PCCB: variants seen among roughly 807,000 people sequenced by gnomAD.
PCCB encodes the protein propionyl-CoA carboxylase beta chain, mitochondrial.
A neutral mutation model predicts 60.7 loss-of-function variants in PCCB; 43 were observed. That is an observed-to-expected ratio of 0.71 (90% confidence interval 0.55 to 0.91). The LOEUF is 0.91. Among genes scored for constraint, PCCB ranks in the 40% least tolerant of loss-of-function variants. The pLI is 0.00. For synonymous variants in PCCB, 276 were observed against 255.9 expected (o/e 1.08, Z -0.75); for missense variants, 766 against 702.8 (o/e 1.09, Z -1.02).
Position 136,317,053 on chromosome 3 carries a change from A to T in PCCB, c.1079A>T (p.Lys360Met). The T allele has an allele frequency of 6.2e-7, 1 of 1,614,048 alleles. No homozygotes were observed. Among genetic ancestry groups the T allele is most frequent in the South Asian group, 1.1e-5 (1 of 91,072 alleles). The change falls in exon 10 of 15, where the codon AAG becomes ATG. Residue 360 changes from lysine (K) to methionine (M), a missense_variant. Physicochemically the swap from Lys to Met is moderately conservative, Grantham distance 95. Transcript: ENST00000251654. The part of the protein sequence containing the change: ...RTVGIVGNQP[K>M]VASGCLDINS... ...GTTGGAATTGTTGGCAACCAACCTA[A>T]GGTGGCCTCAGGTAGGATGGAGCTC...
At chr3:136,293,353 A>G (rs1933785646) in intron 6 of PCCB, among the ~76,000 whole-genome samples, 3 of 152,342 alleles carry the variant, frequency 2.0e-5, no homozygotes, top group Non-Finnish European at 1.5e-5. Context: ...GGTTGCATAC[A>G]GTCTCCATAT....
intron 3 of PCCB, chr3:136,260,088 TTTTGA>T (rs988504368): frequency 2.7e-5 from 8 of 290,956 alleles, no homozygotes; most frequent in Non-Finnish European, 5.2e-5. Context: ...TTTTGTTTTG[TTTTGA>T]GACAGGGTCT....
At chr3:136,275,203 C>T (rs533015597) in intron 5 of PCCB, among the ~76,000 whole-genome samples, 5 of 152,216 alleles carry the variant, frequency 3.3e-5, no homozygotes, top group African/African-American at 1.2e-4. Context: ...CATTCTTTGA[C>T]TTGTTCTGGT....
At chr3:136,299,792 A>G (rs1048730404) in intron 8 of PCCB, among the ~76,000 whole-genome samples, 9 of 151,452 alleles carry the variant, frequency 5.9e-5, no homozygotes, top group African/African-American at 1.2e-4. Context: ...ATGTATGTAT[A>G]TGCATGTGTA....
Position 136,261,939 on chromosome 3 carries a change from T to G in PCCB, c.430-13T>G, listed in dbSNP as rs1941839200. 6.7e-7 allele frequency: 1 copy of G among 1,489,666 alleles called. No homozygotes were observed. Among genetic ancestry groups the G allele is most frequent in the Non-Finnish European group, 9.2e-7 (1 of 1,089,468 alleles). The allele number at this position is 1,489,666 out of a possible 1,614,324, so 92.3% of individuals were successfully genotyped here. On this transcript the variant is annotated splice_polypyrimidine_tract_variant and intron_variant, in intron 4 of 14. Coordinates refer to ENST00000251654, the MANE Select transcript of PCCB (RefSeq NM_000532.5). The stretch of plus-strand genomic sequence containing the variant: ...AACATTTGTCTCAATAAAAGATTTC[T>G]CTGCTGTCTCAGATCATGGACCAGG...
chr3:136,310,113 C>A (rs1172104588), intron 9 of PCCB, among the ~76,000 whole-genome samples: 1 of 152,054 alleles, frequency 6.6e-6, no homozygotes, highest in Non-Finnish European at 1.5e-5. Context: ...ACCTGTAATC[C>A]CGCACTTTGG....
chr3:136,256,487 A>G, intron 2 of PCCB, 68 bp from the exon 3 acceptor site: 2 of 1,133,886 alleles, frequency 1.8e-6, no homozygotes, highest in East Asian at 2.3e-5. Flanking sequence ...TCATTGAGGC[A>G]TAGTGGCCAA....
At chr3:136,298,391 GC>G (rs774579797) in intron 8 of PCCB, among the ~76,000 whole-genome samples, 111 of 151,826 alleles carry the variant, frequency 7.3e-4, no homozygotes, top group Middle Eastern at 3.4e-3. Context: ...TTTTGGTCTG[GC>G]CTAGTCCCCA....
chr3:136,282,236 T>C (rs985132073), intron 5 of PCCB, among the ~76,000 whole-genome samples: 8 of 152,232 alleles, frequency 5.3e-5, no homozygotes, highest in Non-Finnish European at 7.3e-5. Context: ...ATGTGAAGTT[T>C]ACTGAAATTT....
intron 5 of PCCB, among the ~76,000 whole-genome samples, chr3:136,274,984 T>C (rs1367448859): frequency 6.6e-6 from 1 of 151,950 alleles, no homozygotes; most frequent in African/African-American, 2.4e-5. Flanking sequence ...CTAATTTTTA[T>C]GTTTTTTTTG....
At chr3:136,264,463 T>TA (rs1941923681) in intron 5 of PCCB, among the ~76,000 whole-genome samples, 1 of 148,740 alleles carries the variant, frequency 6.7e-6, no homozygotes, top group Non-Finnish European at 1.5e-5. Flanking sequence ...TATATATATG[T>TA]TCCTCCTGGC....
At chr3:136,306,134 T>C (rs1317659603) in intron 9 of PCCB, among the ~76,000 whole-genome samples, 1 of 122,838 alleles carries the variant, frequency 8.1e-6, no homozygotes, top group Non-Finnish European at 1.8e-5. Context: ...CAGATACAAA[T>C]AGTTTTCATT....
chr3:136,289,189 A>T (rs1233154649), intron 6 of PCCB, among the ~76,000 whole-genome samples: 3 of 152,028 alleles, frequency 2.0e-5, no homozygotes, highest in African/African-American at 7.2e-5. Flanking sequence ...CTATGTCTTT[A>T]CTGTTTCTGC....
chr3:136,283,506 TGGG>T (rs373643471), intron 5 of PCCB, among the ~76,000 whole-genome samples: 77 of 152,152 alleles, frequency 5.1e-4, no homozygotes, highest in Non-Finnish European at 3.2e-4. Context: ...TTTGCACAGA[TGGG>T]GGGCTTTGCA....
chr3:136,298,103 T>C, intron 8 of PCCB, 31 bp downstream of exon 8: 2 of 1,613,816 alleles, frequency 1.2e-6, no homozygotes. Context: ...CCTTCTCTCA[T>C]TTTGCAGTGT....
chr3:136,277,260 A>G (rs35316359), intron 5 of PCCB, among the ~76,000 whole-genome samples: 1,549 of 152,300 alleles, frequency 0.01, 12 homozygotes, highest in Non-Finnish European at 0.015. Context: ...TTTGCAGGCA[A>G]TGATGATAGC....
intron 1 of PCCB, among the ~76,000 whole-genome samples, chr3:136,254,548 T>TTTTTA (rs1411852644): frequency 7.7e-6 from 1 of 130,368 alleles, no homozygotes; most frequent in East Asian, 2.5e-4. Context: ...TTTTTTTTTT[T>TTTTTA]AAAAGACAGG....
At chr3:136,317,212 ATTT>A (rs397694948) in intron 10 of PCCB, 148 bp downstream of exon 10, 1,025 of 258,666 alleles carry the variant, frequency 4.0e-3, no homozygotes, top group Admixed American at 6.0e-3. Context: ...ATAAAAGCTA[ATTT>A]TTTTTTTTTT....
Position 136,256,603 on chromosome 3 carries a change from T to G in PCCB, c.352T>G (p.Leu118Val). 6.2e-7 allele frequency: 1 copy of G among 1,611,744 alleles called. No individual in the cohort carries two copies. The highest frequency in any genetic ancestry group is 8.5e-7 in the Non-Finnish European group (1 of 1,177,874). ...VTGRGRINGR[L>V]VYVFSQDFTV... ...TGGACGAGGCCGAATCAATGGAAGA[T>G]TGGTTTATGTCTTCAGTCAGGTATT... Residue 118 changes from leucine to valine, a missense_variant, in exon 3 of 15, where the codon TTG becomes GTG. By Grantham distance (32) the Leu-to-Val change is conservative. Coordinates refer to ENST00000251654, the MANE Select transcript of PCCB (RefSeq NM_000532.5).
Sources: gnomAD v4.1 joint callset for allele counts (sites outside exome capture counted in the v4.1 genomes callset) on GRCh38, gnomAD v4.1.1 for gene constraint, MANE v1.5 for transcripts, NCBI Gene and HGNC (gene_info 2026-07-23, HGNC 2026-07-21) for gene names.